HEATR5B: variants seen among roughly 807,000 people sequenced by gnomAD.
The protein encoded by HEATR5B is HEAT repeat-containing protein 5B.
Under a neutral mutation model 224.1 loss-of-function variants are expected in HEATR5B, and 156 were observed. That is an observed-to-expected ratio of 0.70 (90% CI 0.61 to 0.80). The LOEUF (loss-of-function observed/expected upper bound fraction) is 0.80, where lower values mean the gene tolerates loss of function less well. Among genes scored for constraint, HEATR5B ranks in the 30% least tolerant of loss-of-function variants. The pLI is 0.00. For synonymous variants in HEATR5B, 1,027 were observed against 893.0 expected (o/e 1.15, Z -2.68); for missense variants, 2,323 against 2,535.5 (o/e 0.92, Z 1.80).
chr2:36,981,148 AT>A lies in HEATR5B; in HGVS notation c.*341del. Reference sequence around the variant, plus strand: ...CATGACAGATGCTGAGTTCTGACCCATTTTTTTCCCCTGACAGTATCAATAG... The same window carrying A: ...CATGACAGATGCTGAGTTCTGACCCATTTTTTCCCCTGACAGTATCAATAG... On this transcript the variant is annotated 3_prime_UTR_variant, in exon 36 of 36. Coordinates refer to ENST00000233099, the MANE Select transcript of HEATR5B (RefSeq NM_019024.3). 10 of 181,864 alleles carry A rather than the reference AT, an allele frequency of 5.5e-5. No individual in the cohort carries two copies. The highest frequency in any genetic ancestry group is 6.8e-5 in the Non-Finnish European group (6 of 88,572). The allele number at this position is 181,864 out of a possible 1,614,324, so 11.3% of individuals were successfully genotyped here.
intron 30 of HEATR5B, among the ~76,000 whole-genome samples, chr2:37,004,432 T>C (rs1330106096): frequency 1.3e-5 from 2 of 151,436 alleles, no homozygotes; most frequent in Non-Finnish European, 2.9e-5. Context: ...GTCTTTCTTA[T>C]CACATGTCCC....
chr2:37,080,442 GATAA>G (rs1348657944), intron 2 of HEATR5B, among the ~76,000 whole-genome samples: 7 of 152,184 alleles, frequency 4.6e-5, no homozygotes, highest in Non-Finnish European at 8.8e-5. Flanking sequence ...CCATAGAGAT[GATAA>G]ATAAACTCTG....
At position 37,058,468 on chromosome 2, in the gene HEATR5B, G is replaced by A. The variant is rs1384031836; in HGVS notation, c.2042C>T (p.Pro681Leu). 1 of 1,607,632 alleles carries A rather than the reference G, an allele frequency of 6.2e-7. No homozygotes were observed. Among genetic ancestry groups the A allele is most frequent in the South Asian group, 1.1e-5 (1 of 90,854 alleles). ...LRLYDILALL[P>L]PKTYEGSFNA... ...TAATTTACCTTCATAAGTTTTTGGAGGTAACAAAGCCAAGATATCATAAAG... is the reference window on the plus strand; with the variant it reads ...TAATTTACCTTCATAAGTTTTTGGAAGTAACAAAGCCAAGATATCATAAAG... The change falls in exon 14 of 36, where the codon CCT (proline) becomes CTT (leucine). Residue 681 changes from proline (P) to leucine (L), a missense_variant. By Grantham distance (98) the Pro-to-Leu change is moderately conservative (BLOSUM62 -3). Coordinates refer to ENST00000233099, the MANE Select transcript of HEATR5B (RefSeq NM_019024.3).
intron 24 of HEATR5B, among the ~76,000 whole-genome samples, chr2:37,026,638 T>C (rs1668795343): frequency 6.6e-6 from 1 of 152,248 alleles, no homozygotes; most frequent in Admixed American, 6.5e-5. Context: ...GTATGGACTA[T>C]GTTTTTTTCT....
chr2:37,070,853 C>CAT, intron 6 of HEATR5B, among the ~76,000 whole-genome samples: 1 of 152,338 alleles, frequency 6.6e-6, no homozygotes, highest in South Asian at 2.1e-4. Flanking sequence ...AGTCCTTCCA[C>CAT]ATATAGTAGC....
chr2:37,070,940 G>T (rs1029418543), intron 6 of HEATR5B, among the ~76,000 whole-genome samples: 19 of 152,198 alleles, frequency 1.2e-4, no homozygotes, highest in Admixed American at 1.2e-3. Flanking sequence ...GTATTTGGCT[G>T]CCCGGAATTT....
rs60636196 is a variant in HEATR5B, at chr2:36,984,215, A to AATATATAT, written c.5912-2429_5912-2422dup. ...AACTCTGTCTCAAAAAAAAAAAAAA[A>AATATATAT]ATATATATATATATATATATATAAA... On this transcript the variant is annotated intron_variant, in intron 35 of 35. Coordinates refer to ENST00000233099, the MANE Select transcript of HEATR5B (RefSeq NM_019024.3). Among the ~76,000 whole-genome samples, 29 of 77,562 alleles carry AATATATAT rather than the reference A, an allele frequency of 3.7e-4. 1 individual carries two copies. In the East Asian group the frequency reaches 6.9e-3, roughly 19 times the overall value. 50.9% of individuals were successfully genotyped at this position (77,562 alleles called of 152,430 possible).
At chr2:37,079,059 A>G in intron 3 of HEATR5B, 61 bp downstream of exon 3, 1 of 1,055,992 alleles carries the variant, frequency 9.5e-7, no homozygotes, top group African/African-American at 1.6e-5. Context: ...ATAGTCTCCT[A>G]CTAAGTTTCC....
rs766540905 is a variant in HEATR5B at position 37,040,382 on chromosome 2, C to T, written c.2993G>A (p.Cys998Tyr). 2 of 1,613,916 alleles carry T rather than the reference C, an allele frequency of 1.2e-6. No individual in the cohort carries two copies. Among genetic ancestry groups the T allele is most frequent in the African/African-American group, 2.7e-5 (2 of 74,920 alleles). Residue 998 changes from cysteine (C) to tyrosine (Y), a missense_variant, in exon 20 of 36, where the codon TGT becomes TAT. Coordinates refer to ENST00000233099, the MANE Select transcript of HEATR5B (RefSeq NM_019024.3). ...VPPSHTEVHQ[C>Y]LGRCLGAIIT... Reference sequence around the variant, plus strand: ...TATAGCACCCAAGCATCGACCCAAACACTGATGAACTTCTGTATGTGAAGG... The same window carrying T: ...TATAGCACCCAAGCATCGACCCAAATACTGATGAACTTCTGTATGTGAAGG...
rs1384016374 is a variant in HEATR5B, at chr2:37,060,506, A to G, written c.1849+75T>C. On this transcript the variant is annotated intron_variant, in intron 12 of 35. Coordinates refer to ENST00000233099, the MANE Select transcript of HEATR5B (RefSeq NM_019024.3). ...CTAGTAAAATAAAAAACTATAAAAT[A>G]GTGATTTTTCTTTTACTTTACAAAT... 3 of 1,267,130 alleles carry G rather than the reference A, an allele frequency of 2.4e-6. No individual in the cohort carries two copies. The African/African-American group carries it at 4.6e-5, about 19-fold the overall frequency. 78.5% of individuals were successfully genotyped at this position (1,267,130 alleles called of 1,614,324 possible).
chr2:37,058,805 TAGA>T (rs1671071807), intron 13 of HEATR5B, 80 bp downstream of exon 13: 1 of 883,502 alleles, frequency 1.1e-6, no homozygotes, highest in Non-Finnish European at 1.7e-6. Context: ...TAGATGATTC[TAGA>T]AGAAAGCACA....
chr2:37,028,263 T>A (rs1334458780), intron 23 of HEATR5B, 89 bp from the exon 24 acceptor site: 6 of 795,020 alleles, frequency 7.5e-6, no homozygotes, highest in East Asian at 3.2e-5. Flanking sequence ...TTTTTTAATT[T>A]AAAAAAAGAC....
intron 2 of HEATR5B, among the ~76,000 whole-genome samples, chr2:37,079,944 T>TA (rs1491327373): frequency 2.6e-5 from 4 of 152,178 alleles, no homozygotes; most frequent in South Asian, 2.1e-4. Flanking sequence ...GGACAGAGTT[T>TA]ACCAAACAAA....
chr2:37,072,999 C>T (rs1033247840), intron 5 of HEATR5B, among the ~76,000 whole-genome samples: 2 of 152,116 alleles, frequency 1.3e-5, no homozygotes, highest in African/African-American at 4.8e-5. Flanking sequence ...CTAGGAGATG[C>T]CTACACCAGT....
chr2:37,067,969 T>A (rs1175537828), intron 8 of HEATR5B, among the ~76,000 whole-genome samples: 3 of 152,152 alleles, frequency 2.0e-5, no homozygotes, highest in African/African-American at 7.2e-5. Flanking sequence ...TAATTTCCCT[T>A]ATTAAAGTTA....
chr2:37,078,763 A>C (rs1430242373), intron 3 of HEATR5B, among the ~76,000 whole-genome samples: 2 of 152,174 alleles, frequency 1.3e-5, no homozygotes, highest in African/African-American at 4.8e-5. Context: ...CTAGAGTTGT[A>C]TCCCTAGGCA....
chr2:37,060,084 A>T (rs1173191879), intron 12 of HEATR5B, among the ~76,000 whole-genome samples: 3 of 152,234 alleles, frequency 2.0e-5, no homozygotes, highest in Admixed American at 1.3e-4. Context: ...GTTAACTCCC[A>T]GACAAAAACA....
chr2:37,066,738 G>A (rs568997100), intron 8 of HEATR5B, among the ~76,000 whole-genome samples: 3 of 151,836 alleles, frequency 2.0e-5, no homozygotes, highest in African/African-American at 4.8e-5. Context: ...ATCAAATAAC[G>A]AATTTATGAC....
At chr2:37,066,405 T>C (rs1671591584) in intron 8 of HEATR5B, among the ~76,000 whole-genome samples, 4 of 152,202 alleles carry the variant, frequency 2.6e-5, no homozygotes, top group Non-Finnish European at 5.9e-5. Flanking sequence ...ATTCAATAAA[T>C]GTTAACAGCT....
Sources: allele counts gnomAD v4.1 joint callset (sites outside exome capture counted in the v4.1 genomes callset), GRCh38; gene constraint gnomAD v4.1.1; transcripts MANE v1.5; gene names NCBI Gene and HGNC (gene_info 2026-07-23, HGNC 2026-07-21).